Variants in YEATS2 observed in about 807,000 individuals in gnomAD.
The protein encoded by YEATS2 is YEATS domain containing 2, also known as YEATS domain-containing protein 2.
A neutral mutation model predicts 163.2 loss-of-function variants in YEATS2; 77 were observed. The observed-to-expected ratio is 0.47, with a 90% CI of 0.39 to 0.57. YEATS2 has a LOEUF of 0.57. Among genes scored for constraint, YEATS2 ranks in the 20% least tolerant of loss-of-function variants. The pLI is 0.00. For synonymous variants in YEATS2, 631 were observed against 645.1 expected (o/e 0.98, Z 0.33); for missense variants, 1,549 against 1,729.8 (o/e 0.90, Z 1.85).
chr3:183,739,179 T>G (rs1187590574), intron 8 of YEATS2, among the ~76,000 whole-genome samples: 1 of 152,138 alleles, frequency 6.6e-6, no homozygotes, highest in Admixed American at 6.5e-5. Flanking sequence ...TGTCCCTGTT[T>G]GCAGACGACA....
intron 28 of YEATS2, 105 bp downstream of exon 28, chr3:183,807,197 A>C: frequency 9.9e-7 from 1 of 1,007,950 alleles, no homozygotes; most frequent in Non-Finnish European, 1.5e-6. Flanking sequence ...CCTCACAGAC[A>C]CAGACTCAGA....
chr3:183,756,615 C>G lies in YEATS2; in HGVS notation c.1478C>G (p.Ser493Cys), dbSNP rs1324764394. Residue 493 changes from serine to cysteine, a missense_variant, in exon 12 of 31, where the codon TCT becomes TGT. Ser to Cys is a moderately radical substitution (Grantham distance 112). Transcript: ENST00000305135. ...CACGTGAAGCAAGGCACTGCCGGCT[C>G]TGTTATTAATAATCCTTATGTTATC... ...PVHVKQGTAG[S>C]VINNPYVIMD... The G allele has an allele frequency of 3.1e-6, 5 of 1,607,048 alleles. No individual in the cohort carries two copies. Among genetic ancestry groups the G allele is most frequent in the Non-Finnish European group, 4.2e-6 (5 of 1,176,824 alleles).
At position 183,730,618 on chromosome 3, in the gene YEATS2, C is replaced by T. The variant is rs1360455776; in HGVS notation, c.812+1767C>T. The stretch of plus-strand genomic sequence containing the variant: ...ATTTATGGCTTCCAGACCACCTTTC[C>T]CTGCCAAGGGTGACTGGGGAAATTA... On this transcript the variant is annotated intron_variant, in intron 7 of 30. Coordinates refer to ENST00000305135, the MANE Select transcript of YEATS2 (RefSeq NM_018023.5). Among the ~76,000 whole-genome samples, 6 of 152,144 alleles carry T rather than the reference C, an allele frequency of 3.9e-5. No homozygotes were observed. In the East Asian group the frequency reaches 7.7e-4, roughly 20 times the overall value.
chr3:183,721,959 T>G lies in YEATS2; in HGVS notation c.360T>G (p.Ser120=), dbSNP rs745881005. Residue 120 remains serine, a synonymous_variant, in exon 5 of 31, where the codon TCT becomes TCG. Transcript: ENST00000305135. ...PAIKKFLESP[S]RSSSPANQRA... ...TCAAGAAATTTTTGGAATCACCATCTAGGTCATCATCTCCTGCCAATCAGA... is the reference window on the plus strand; with the variant it reads ...TCAAGAAATTTTTGGAATCACCATCGAGGTCATCATCTCCTGCCAATCAGA... The G allele has an allele frequency of 6.2e-7, 1 of 1,614,194 alleles. No homozygotes were observed.
chr3:183,809,251 CT>C (rs1314750494), intron 30 of YEATS2, 81 bp downstream of exon 30: 2 of 1,395,474 alleles, frequency 1.4e-6, no homozygotes, highest in Non-Finnish European at 2.0e-6. Context: ...GTGTTTTATA[CT>C]TACATCAATC....
rs78910995 is a variant in YEATS2 at position 183,734,130 on chromosome 3, G to A, written c.813-2588G>A. 0.013 allele frequency among the ~76,000 whole-genome samples: 1,969 copies of A among 152,246 alleles called. 66 individuals are homozygous for A. The East Asian group carries it at 0.14, about 11-fold the overall frequency. On this transcript the variant is annotated intron_variant, in intron 7 of 30. Transcript: ENST00000305135. ...GCCACATCTGTAATTTGAAATTTTC[G>A]AGTAGCCACATTAGAGAAGTAAGTA... is the stretch of plus-strand genomic sequence containing the variant.
rs540460596 is a variant in YEATS2 at position 183,773,198 on chromosome 3, G to A, written c.2207-435G>A. 2.6e-5 allele frequency among the ~76,000 whole-genome samples: 4 copies of A among 152,326 alleles called. No individual in the cohort carries two copies. The East Asian group carries it at 7.7e-4, about 29-fold the overall frequency. On this transcript the variant is annotated intron_variant, in intron 16 of 30. Coordinates refer to ENST00000305135, the MANE Select transcript of YEATS2 (RefSeq NM_018023.5). ...TACAGAGGGCCAATGGTACTTGCCA[G>A]TTAGGAGCACACATTTGCCCTAACT... is the stretch of plus-strand genomic sequence containing the variant.
intron 9 of YEATS2, among the ~76,000 whole-genome samples, chr3:183,751,040 G>A (rs1377243988): frequency 6.6e-6 from 1 of 152,144 alleles, no homozygotes; most frequent in Non-Finnish European, 1.5e-5. Context: ...GTGTCATGAA[G>A]CTTTTCCCTT....
intron 1 of YEATS2, among the ~76,000 whole-genome samples, 172 bp from the exon 2 acceptor site, chr3:183,714,972 A>G (rs80175533): frequency 0.028 from 4,278 of 151,944 alleles, 89 homozygotes; most frequent in Middle Eastern, 0.065. Flanking sequence ...AGAAATATGT[A>G]TATGTGTGTA....
chr3:183,747,909 A>G (rs1719727554), intron 9 of YEATS2, among the ~76,000 whole-genome samples, 193 bp downstream of exon 9: 1 of 151,848 alleles, frequency 6.6e-6, no homozygotes, highest in Non-Finnish European at 1.5e-5. Context: ...CCTCCCGAGT[A>G]GCTGGGATTA....
chr3:183,788,032 G>A (rs1269773031), intron 20 of YEATS2, among the ~76,000 whole-genome samples: 1 of 151,996 alleles, frequency 6.6e-6, no homozygotes, highest in African/African-American at 2.4e-5. Flanking sequence ...ATTATTATGG[G>A]TACATAATCA....
Position 183,773,607 on chromosome 3 carries a change from C to G in YEATS2, c.2207-26C>G, listed in dbSNP as rs200604374. 4,490 of 1,561,274 alleles carry G rather than the reference C, an allele frequency of 2.9e-3. 15 individuals carry two copies. Among genetic ancestry groups the G allele is most frequent in the Non-Finnish European group, 3.6e-3 (4,140 of 1,157,924 alleles). On this transcript the variant is annotated intron_variant, in intron 16 of 30. Coordinates refer to ENST00000305135, the MANE Select transcript of YEATS2 (RefSeq NM_018023.5). Reference sequence around the variant, plus strand: ...TTGCCCTTAGTTTCAATTTATCTTACAATTTTTTCTCCTTTACCATTTTAG... The same window carrying G: ...TTGCCCTTAGTTTCAATTTATCTTAGAATTTTTTCTCCTTTACCATTTTAG...
chr3:183,801,596 T>C, intron 25 of YEATS2, 68 bp downstream of exon 25: 1 of 1,218,222 alleles, frequency 8.2e-7, no homozygotes. Flanking sequence ...TTGAGTCAAC[T>C]GAAATCACTT....
chr3:183,792,308 C>A (rs564502261), intron 21 of YEATS2, among the ~76,000 whole-genome samples: 10 of 152,034 alleles, frequency 6.6e-5, no homozygotes, highest in Admixed American at 2.0e-4. Context: ...CCCGCACCCC[C>A]CAACAGGCCA....
At position 183,710,135 on chromosome 3, in the gene YEATS2, G is replaced by C. The variant is rs555588933; in HGVS notation, c.-19-5009G>C. On this transcript the variant is annotated intron_variant, in intron 1 of 30. Transcript: ENST00000305135. ...ATGATAACAGATTTTTTTCCTAGCA[G>C]TTCCTAGTACCATCTCAGTATTTTC... Among the ~76,000 whole-genome samples, 3 of 152,250 alleles carry C rather than the reference G, an allele frequency of 2.0e-5. No individual in the cohort carries two copies. In the East Asian group the frequency reaches 5.8e-4, roughly 29 times the overall value.
intron 1 of YEATS2, among the ~76,000 whole-genome samples, chr3:183,713,888 C>T (rs181914449): frequency 6.2e-4 from 95 of 152,248 alleles, no homozygotes; most frequent in Non-Finnish European, 1.1e-3. Context: ...TCACTGCAAC[C>T]GCTGCCTCCC....
intron 15 of YEATS2, among the ~76,000 whole-genome samples, chr3:183,768,068 G>A (rs920226006): frequency 6.6e-6 from 1 of 152,222 alleles, no homozygotes; most frequent in Non-Finnish European, 1.5e-5. Context: ...TTTGAAGACT[G>A]CTATCTTAGT....
chr3:183,808,536 C>A (rs555198678), intron 29 of YEATS2, among the ~76,000 whole-genome samples: 30 of 152,330 alleles, frequency 2.0e-4, no homozygotes, highest in African/African-American at 7.2e-4. Flanking sequence ...AATAGGGATA[C>A]CTCCGTAACA....
At chr3:183,744,293 T>C (rs1719294758) in intron 8 of YEATS2, among the ~76,000 whole-genome samples, 1 of 151,770 alleles carries the variant, frequency 6.6e-6, no homozygotes, top group African/African-American at 2.4e-5. Flanking sequence ...TTTTTTGTAT[T>C]TTTAGTAGAG....
Sources: allele counts gnomAD v4.1 joint callset (sites outside exome capture counted in the v4.1 genomes callset), GRCh38; gene constraint gnomAD v4.1.1; transcripts MANE v1.5; gene names NCBI Gene and HGNC (gene_info 2026-07-23, HGNC 2026-07-21).